ENTPD1: variants seen among roughly 807,000 people sequenced by gnomAD.
ENTPD1 encodes the protein ectonucleoside triphosphate diphosphohydrolase 1.
A neutral mutation model predicts 57.0 loss-of-function variants in ENTPD1; 33 were observed. The observed-to-expected ratio is 0.58, with a 90% CI of 0.44 to 0.77. ENTPD1 has a LOEUF of 0.77. Among genes scored for constraint, ENTPD1 ranks in the 30% least tolerant of loss-of-function variants. The probability of loss-of-function intolerance (pLI) is 0.00; values close to 1 mark genes in which losing one functional copy is unlikely to be tolerated. For synonymous variants in ENTPD1, 202 were observed against 218.8 expected, an observed-to-expected ratio of 0.92 and a Z score of 0.68; for missense variants, 501 against 603.4, an observed-to-expected ratio of 0.83 and a Z score of 1.78.
In ENTPD1 at chr10:95,873,989, G is replaced by A. The variant is rs2098483239; in HGVS notation, c.*7606G>A. Among the ~76,000 whole-genome samples, 2 of 152,164 alleles carry A rather than the reference G, an allele frequency of 1.3e-5. No individual in the cohort carries two copies. Among genetic ancestry groups the A allele is most frequent in the Non-Finnish European group, 2.9e-5 (2 of 68,034 alleles). On this transcript the variant is annotated 3_prime_UTR_variant, in exon 10 of 10. Transcript: ENST00000371205. ...CACTGCGTCCCTCCCACAACATGTG[G>A]GAATTCTGGGAGATACAATTCAAGT...
upstream of ENTPD1, among the ~76,000 whole-genome samples, chr10:95,709,852 A>ACCTCCT (rs2097964111): frequency 6.7e-6 from 1 of 149,432 alleles, no homozygotes; most frequent in Admixed American, 6.7e-5. Flanking sequence ...TGCAACCACC[A>ACCTCCT]CCTCCTGGGT....
At chr10:95,856,671 T>TATATATATAC (rs571622251) in intron 7 of ENTPD1, among the ~76,000 whole-genome samples, 19 of 146,778 alleles carry the variant, frequency 1.3e-4, no homozygotes, top group South Asian at 8.4e-4. Flanking sequence ...TATATATATA[T>TATATATATAC]ACACACACAT....
the ENTPD1 span, among the ~76,000 whole-genome samples, chr10:95,696,246 G>GT: frequency 6.6e-6 from 1 of 151,940 alleles, no homozygotes; most frequent in Non-Finnish European, 1.5e-5. Flanking sequence ...TTGTATTGCT[G>GT]TTTTTTAAAC....
chr10:95,721,987 C>G (rs1196598073), intron 1 of ENTPD1, among the ~76,000 whole-genome samples: 1 of 152,162 alleles, frequency 6.6e-6, no homozygotes, highest in Non-Finnish European at 1.5e-5. Flanking sequence ...CTGAGTATTT[C>G]ATAACAACCC....
chr10:95,866,629 T>A lies in ENTPD1; in HGVS notation c.*246T>A. 7.4e-7 allele frequency: 1 copy of A among 1,348,342 alleles called. No individual in the cohort carries two copies. Among genetic ancestry groups the A allele is most frequent in the Non-Finnish European group, 9.6e-7 (1 of 1,046,504 alleles). 83.5% of individuals were successfully genotyped at this position (1,348,342 alleles called of 1,614,324 possible). On this transcript the variant is annotated 3_prime_UTR_variant, in exon 10 of 10. Transcript: ENST00000371205. ...CAGCTACACCTTTCTCCTTTGTACT[T>A]TGTGCTTGTATAGGTTTTAAAGACC...
intron 1 of ENTPD1, among the ~76,000 whole-genome samples, chr10:95,788,524 G>A (rs2098189835): frequency 6.6e-6 from 1 of 152,068 alleles, no homozygotes; most frequent in African/African-American, 2.4e-5. Context: ...GGCTGAGGCA[G>A]GAGAATCACT....
the ENTPD1 span, among the ~76,000 whole-genome samples, chr10:95,697,436 G>A: frequency 3.9e-5 from 6 of 152,260 alleles, no homozygotes; most frequent in East Asian, 1.9e-4. Flanking sequence ...CTAGGTTTGC[G>A]TGTCTCCTCC....
intron 2 of ENTPD1, chr10:95,833,627 C>G (rs1444213079): frequency 1.3e-5 from 2 of 152,216 alleles, no homozygotes; most frequent in Non-Finnish European, 2.9e-5. Flanking sequence ...TACCAGATGT[C>G]TTAGTCTGTT....
At chr10:95,705,383 C>T in the ENTPD1 span, among the ~76,000 whole-genome samples, 1 of 151,928 alleles carries the variant, frequency 6.6e-6, no homozygotes, top group African/African-American at 2.4e-5. Flanking sequence ...CTACAATCAA[C>T]CTTATTATCC....
chr10:95,856,672 A>ATATATATATATATATATATACC (rs1555305821), intron 7 of ENTPD1, among the ~76,000 whole-genome samples: 13 of 119,838 alleles, frequency 1.1e-4, no homozygotes, highest in African/African-American at 4.1e-4. Flanking sequence ...ATATATATAT[A>ATATATATATATATATATATACC]CACACACATA....
chr10:95,756,167 A>G lies in ENTPD1; in HGVS notation c.-73A>G. 6.4e-7 allele frequency: 1 copy of G among 1,563,470 alleles called. No individual in the cohort carries two copies. The highest frequency in any genetic ancestry group is 8.7e-7 in the Non-Finnish European group (1 of 1,153,476). On this transcript the variant is annotated 5_prime_UTR_variant, in exon 1 of 10. Coordinates refer to ENST00000371205, the MANE Select transcript of ENTPD1 (RefSeq NM_001776.6). ...GTTTCCTTGAGGACCTCTCTCACGG[A>G]GACGGACCACAGCAAGCAGAGGCTG...
At position 95,791,339 on chromosome 10, in the gene ENTPD1, G is replaced by A. The variant is rs965104253; in HGVS notation, c.17-31898G>A. ...TAGGGTGACATAAAATCTGAAAATC[G>A]TGATATGTAAAGAATGGTAAATGGA... is the stretch of plus-strand genomic sequence containing the variant. On this transcript the variant is annotated intron_variant, in intron 1 of 9. Coordinates refer to ENST00000371205, the MANE Select transcript of ENTPD1 (RefSeq NM_001776.6). This position sits in a 1 kb window ranked among gnomAD's most constrained non-coding sequence, Gnocchi z 4.1. Among the ~76,000 whole-genome samples, 17 of 152,156 alleles carry A rather than the reference G, an allele frequency of 1.1e-4. No individual in the cohort carries two copies. The highest frequency in any genetic ancestry group is 3.1e-4 in the African/African-American group (13 of 41,444).
At chr10:95,800,813 C>A (rs1164543278) in intron 1 of ENTPD1, among the ~76,000 whole-genome samples, 2 of 152,120 alleles carry the variant, frequency 1.3e-5, no homozygotes, top group African/African-American at 4.8e-5. Context: ...AGCTGTTATT[C>A]TGTTATTTTT....
At chr10:95,704,666 G>GA in the ENTPD1 span, among the ~76,000 whole-genome samples, 3 of 151,978 alleles carry the variant, frequency 2.0e-5, no homozygotes, top group African/African-American at 7.2e-5. Context: ...TATACTTAGG[G>GA]AAAAAATAAA....
intron 1 of ENTPD1, among the ~76,000 whole-genome samples, chr10:95,758,064 GTTT>G (rs1261958495): frequency 3.4e-5 from 5 of 147,462 alleles, no homozygotes; most frequent in African/African-American, 1.3e-4. Context: ...TCTGCTTCTG[GTTT>G]TTCTTCCAAC....
chr10:95,780,444 C>T (rs1264379241), intron 1 of ENTPD1, among the ~76,000 whole-genome samples: 1 of 152,210 alleles, frequency 6.6e-6, no homozygotes, highest in African/African-American at 2.4e-5. Flanking sequence ...AGTTATAAAA[C>T]AGCAATGACC....
intron 1 of ENTPD1, among the ~76,000 whole-genome samples, chr10:95,764,026 A>C (rs201056583): frequency 1.3e-5 from 2 of 152,214 alleles, no homozygotes; most frequent in East Asian, 3.8e-4. Flanking sequence ...ACGATTCACC[A>C]ACTTAAAGTC....
intron 1 of ENTPD1, among the ~76,000 whole-genome samples, chr10:95,797,665 A>G (rs2098231984): frequency 6.6e-6 from 1 of 152,134 alleles, no homozygotes; most frequent in Non-Finnish European, 1.5e-5. Context: ...GCAAGAGAGA[A>G]AGGAGGAGGT....
At chr10:95,743,019 A>C (rs932719293) in intron 1 of ENTPD1, among the ~76,000 whole-genome samples, 6 of 152,210 alleles carry the variant, frequency 3.9e-5, no homozygotes, top group African/African-American at 1.4e-4. Context: ...ATATCAACTA[A>C]AGTCCATACT....
Sources: allele counts gnomAD v4.1 joint callset (sites outside exome capture counted in the v4.1 genomes callset), GRCh38; gene constraint gnomAD v4.1.1; non-coding constraint Gnocchi (gnomAD v3.1); transcripts MANE v1.5; gene names NCBI Gene and HGNC (gene_info 2026-07-23, HGNC 2026-07-21).